Variants in PFKP observed in about 807,000 individuals in gnomAD.
The protein encoded by PFKP is ATP-dependent 6-phosphofructokinase, platelet type.
In PFKP, 101 loss-of-function variants were observed where a neutral mutation model predicts 94.3. The observed-to-expected ratio is 1.07, with a 90% CI of 0.91 to 1.26. PFKP has a LOEUF of 1.26. Ranked by LOEUF, PFKP falls within the 50% of genes most tolerant of loss-of-function variation. PFKP has a pLI of 0.00. For synonymous variants in PFKP, 573 were observed against 432.6 expected (o/e 1.32, Z -4.03); for missense variants, 1,145 against 1,103.3 (o/e 1.04, Z -0.53).
chr10:3,086,768 C>T lies in PFKP; in HGVS notation c.186+4307C>T, dbSNP rs554738947. ...CAGTCCCTGGCCCACTTTAATCTCT[C>T]TTGATGTAAGGGTTGTGTTTTTGTG... On this transcript the variant is annotated intron_variant, in intron 2 of 21. Transcript: ENST00000381125. Among the ~76,000 whole-genome samples, 14 of 152,222 alleles carry T rather than the reference C, an allele frequency of 9.2e-5. No individual in the cohort carries two copies. In the East Asian group the frequency reaches 2.5e-3, roughly 27 times the overall value.
chr10:3,075,213 T>C (rs991996925), intron 1 of PFKP, among the ~76,000 whole-genome samples: 4 of 152,148 alleles, frequency 2.6e-5, no homozygotes, highest in Non-Finnish European at 5.9e-5. Context: ...ACCCACAACC[T>C]TCCAGCCTGG....
chr10:3,129,783 C>A, intron 16 of PFKP, 36 bp from the exon 17 acceptor site: 1 of 1,609,166 alleles, frequency 6.2e-7, no homozygotes, highest in African/African-American at 1.3e-5. Context: ...CGCCCCGGGC[C>A]TGGGCTGGAG....
intron 1 of PFKP, chr10:3,069,219 G>A: frequency 7.3e-7 from 1 of 1,373,726 alleles, no homozygotes; most frequent in Non-Finnish European, 9.5e-7. Flanking sequence ...CCCGGGAAGT[G>A]CTCTGGCGTT....
intron 15 of PFKP, among the ~76,000 whole-genome samples, chr10:3,119,496 C>T (rs1311108027): frequency 2.6e-5 from 4 of 151,880 alleles, no homozygotes; most frequent in Admixed American, 1.3e-4. Flanking sequence ...TCCCAGCTAC[C>T]CGGGAGGCTG....
intron 1 of PFKP, among the ~76,000 whole-genome samples, chr10:3,074,438 T>G (rs1832430923): frequency 6.6e-6 from 1 of 151,726 alleles, no homozygotes; most frequent in African/African-American, 2.4e-5. Flanking sequence ...GGGAAGCAGG[T>G]GGAGGGAAGC....
chr10:3,099,355 A>G lies in PFKP; in HGVS notation c.264+3A>G. On this transcript the variant is annotated splice_donor_region_variant and intron_variant, in intron 3 of 21. Transcript: ENST00000381125. ...GTGTCTCCAGCATCCTGCAAGTGGT[A>G]GGTACTGGGCTGCGTCCACAGGGTT... 1 of 1,612,268 alleles carries G rather than the reference A, an allele frequency of 6.2e-7. No homozygotes were observed. The highest frequency in any genetic ancestry group is 8.5e-7 in the Non-Finnish European group (1 of 1,178,288).
intron 2 of PFKP, among the ~76,000 whole-genome samples, chr10:3,092,916 T>C (rs1362766323): frequency 2.0e-5 from 3 of 149,202 alleles, no homozygotes; most frequent in East Asian, 4.0e-4. Flanking sequence ...CCTGAGCTGC[T>C]GGGATGTGTA....
intron 4 of PFKP, among the ~76,000 whole-genome samples, 155 bp downstream of exon 4, chr10:3,101,709 A>T (rs548467456): frequency 9.2e-5 from 14 of 152,352 alleles, no homozygotes; most frequent in African/African-American, 3.4e-4. Flanking sequence ...AAAAAACAAC[A>T]GCAATGATCG....
At chr10:3,108,339 G>C (rs1282173186) in intron 8 of PFKP, among the ~76,000 whole-genome samples, 2 of 152,224 alleles carry the variant, frequency 1.3e-5, no homozygotes, top group South Asian at 4.1e-4. Flanking sequence ...ACAAATTAAA[G>C]CTGGTTCAAG....
At chr10:3,100,387 G>A (rs914251830) in intron 3 of PFKP, among the ~76,000 whole-genome samples, 1 of 151,828 alleles carries the variant, frequency 6.6e-6, no homozygotes, top group Admixed American at 6.6e-5. Context: ...TTCAGTTTTT[G>A]TAACCTTTTC....
rs558984728 is a variant in PFKP, at chr10:3,133,556, G to A, written c.2022+242G>A. Among the ~76,000 whole-genome samples the A allele has an allele frequency of 3.9e-5, 6 of 152,226 alleles. No homozygotes were observed. In the South Asian group the frequency reaches 8.3e-4, roughly 21 times the overall value. ...AGTGATTCTCCTGCATCAGCCTCCC[G>A]AGGAGATGGCAGTATAGGCACCCAC... On this transcript the variant is annotated intron_variant, in intron 19 of 21. Coordinates refer to ENST00000381125, the MANE Select transcript of PFKP (RefSeq NM_002627.5).
intron 19 of PFKP, among the ~76,000 whole-genome samples, chr10:3,134,090 C>A (rs1838923052): frequency 6.6e-6 from 1 of 152,146 alleles, no homozygotes; most frequent in South Asian, 2.1e-4. Flanking sequence ...TACTTTTAAG[C>A]CAGAGCCCAT....
chr10:3,086,334 T>G (rs1384791987), intron 2 of PFKP, among the ~76,000 whole-genome samples: 2 of 152,184 alleles, frequency 1.3e-5, no homozygotes, highest in African/African-American at 4.8e-5. Flanking sequence ...TCACTTCTCT[T>G]ATTTCACAGA....
intron 1 of PFKP, among the ~76,000 whole-genome samples, chr10:3,076,567 T>G (rs35381145): frequency 0.18 from 27,364 of 151,982 alleles, 2,601 homozygotes; most frequent in Middle Eastern, 0.35. Flanking sequence ...CCCCGCTTGT[T>G]ATTTTTCTCC....
At chr10:3,095,167 C>T (rs79948861) in intron 2 of PFKP, among the ~76,000 whole-genome samples, 1,829 of 109,774 alleles carry the variant, frequency 0.017, 12 homozygotes, top group Non-Finnish European at 0.026. Context: ...TGCAACACAA[C>T]GGTATAATTT....
Position 3,129,448 on chromosome 10 carries a change from CTG to C in PFKP, c.1684-367_1684-366del, listed in dbSNP as rs377385234. On this transcript the variant is annotated intron_variant, in intron 16 of 21. Transcript: ENST00000381125. ...CATCTCAGCTAACACCTAACGGTGTCTGTGTCCGGTGAAAGCGGCTTCAGCAG... is the reference window on the plus strand; with the variant it reads ...CATCTCAGCTAACACCTAACGGTGTCTGTCCGGTGAAAGCGGCTTCAGCAG... 3.8e-3 allele frequency: 822 copies of C among 215,152 alleles called. 7 individuals carry two copies. The highest frequency in any genetic ancestry group is 0.018 in the African/African-American group (777 of 43,474). 13.3% of individuals were successfully genotyped at this position (215,152 alleles called of 1,614,324 possible).
intron 2 of PFKP, among the ~76,000 whole-genome samples, chr10:3,093,292 C>A (rs567364609): frequency 6.6e-6 from 1 of 152,304 alleles, no homozygotes; most frequent in South Asian, 2.1e-4. Flanking sequence ...TGTCCACATC[C>A]CGTTCAGTCA....
chr10:3,114,763 G>A (rs192666595), intron 13 of PFKP, among the ~76,000 whole-genome samples: 15 of 152,368 alleles, frequency 9.8e-5, no homozygotes, highest in South Asian at 4.1e-4. Flanking sequence ...CTCCAAGCCC[G>A]CACAGGGCAG....
rs368026598 is a variant in PFKP at position 3,120,074 on chromosome 10, C to T, written c.1683+30C>T. On this transcript the variant is annotated intron_variant, in intron 16 of 21. Transcript: ENST00000381125. Reference sequence around the variant, plus strand: ...GTCCGTGTGCGCCCTGCCAGGCGGGCGCCGGCTGACGCTAACCCCGGGGCC... The same window carrying T: ...GTCCGTGTGCGCCCTGCCAGGCGGGTGCCGGCTGACGCTAACCCCGGGGCC... 5.7e-5 allele frequency: 91 copies of T among 1,609,492 alleles called. 1 individual carries two copies. The highest frequency in any genetic ancestry group is 3.0e-4 in the South Asian group (27 of 90,940).
Sources: gnomAD v4.1 joint callset for allele counts (sites outside exome capture counted in the v4.1 genomes callset) on GRCh38, gnomAD v4.1.1 for gene constraint, MANE v1.5 for transcripts, NCBI Gene and HGNC (gene_info 2026-07-23, HGNC 2026-07-21) for gene names.